SLC25A20: variants seen among roughly 807,000 people sequenced by gnomAD.
SLC25A20 encodes the protein solute carrier family 25 member 20, also known as mitochondrial carnitine/acylcarnitine carrier protein.
SLC25A20 carries 29 observed loss-of-function variants against 39.7 expected under a neutral mutation model. The ratio of observed to expected loss-of-function variants is 0.73; its 90% CI spans 0.54 to 1.00. SLC25A20 has a LOEUF of 1.00. SLC25A20 is among the 50% of genes least tolerant of loss of function. The probability of loss-of-function intolerance (pLI) is 0.00; values close to 1 mark genes in which losing one functional copy is unlikely to be tolerated. For missense variants in SLC25A20, 333 were observed against 379.9 expected, an observed-to-expected ratio of 0.88 and a Z score of 1.03; for synonymous variants, 103 against 142.2, an observed-to-expected ratio of 0.72 and a Z score of 1.96.
intron 4 of SLC25A20, among the ~76,000 whole-genome samples, chr3:48,877,479 C>T (rs900915975): frequency 6.6e-6 from 1 of 151,814 alleles, no homozygotes; most frequent in African/African-American, 2.4e-5. Context: ...TCCTGTAATC[C>T]CAGCACTTTG....
At chr3:48,870,850 A>ACT (rs1262387873) in intron 4 of SLC25A20, among the ~76,000 whole-genome samples, 4 of 130,708 alleles carry the variant, frequency 3.1e-5, no homozygotes, top group Non-Finnish European at 6.3e-5. Flanking sequence ...ACAGGGTCTT[A>ACT]CTCTATAATC....
At position 48,865,145 on chromosome 3, in the gene SLC25A20, T is replaced by TC. The variant is rs1232082597; in HGVS notation, c.418-2487_418-2486insG. 1.3e-4 allele frequency among the ~76,000 whole-genome samples: 19 copies of TC among 151,666 alleles called. No homozygotes were observed. The East Asian group carries it at 3.7e-3, about 30-fold the overall frequency. On this transcript the variant is annotated intron_variant, in intron 4 of 8. Coordinates refer to ENST00000319017, the MANE Select transcript of SLC25A20 (RefSeq NM_000387.6). ...GAGTTGGAGATATAATTTTTTTTTT[T>TC]TGAGACGGAGTCTTGCTCTGTCACC...
chr3:48,876,406 T>C (rs1013128354), intron 4 of SLC25A20, among the ~76,000 whole-genome samples: 1 of 151,834 alleles, frequency 6.6e-6, no homozygotes, highest in Non-Finnish European at 1.5e-5. Context: ...CATATAACAT[T>C]GTTTTTCTGT....
intron 3 of SLC25A20, among the ~76,000 whole-genome samples, chr3:48,880,004 T>C (rs2083786609): frequency 6.6e-6 from 1 of 152,130 alleles, no homozygotes; most frequent in African/African-American, 2.4e-5. Context: ...TGGCCACCTC[T>C]AAAGGCTAAG....
In SLC25A20 at chr3:48,898,855, G is replaced by T. The variant is rs2083930205; in HGVS notation, c.-61C>A. 6 of 1,491,028 alleles carry T rather than the reference G, an allele frequency of 4.0e-6. No individual in the cohort carries two copies. The African/African-American group carries it at 4.2e-5, about 10-fold the overall frequency. 92.4% of individuals were successfully genotyped at this position (1,491,028 alleles called of 1,614,324 possible). On this transcript the variant is annotated 5_prime_UTR_variant, in exon 1 of 9. In the 5' UTR this introduces an upstream ATG that the reference lacks. Coordinates refer to ENST00000319017, the MANE Select transcript of SLC25A20 (RefSeq NM_000387.6). ...GGGCCGTCCTGGCTTCTCAGCCCCA[G>T]CTGCAGTGCCGGCGCCGCCGACCTT...
intron 4 of SLC25A20, among the ~76,000 whole-genome samples, chr3:48,870,978 A>G (rs2083710497): frequency 6.6e-6 from 1 of 151,842 alleles, no homozygotes; most frequent in African/African-American, 2.4e-5. Flanking sequence ...GGCCTGCACC[A>G]CCATGCACGG....
chr3:48,875,172 C>T lies in SLC25A20; in HGVS notation c.417+4186G>A, dbSNP rs974263305. Among the ~76,000 whole-genome samples the T allele has an allele frequency of 7.9e-5, 12 of 151,070 alleles. 1 individual carries two copies. Among genetic ancestry groups the T allele is most frequent in the African/African-American group, 2.4e-4 (10 of 41,242 alleles). On this transcript the variant is annotated intron_variant, in intron 4 of 8. Transcript: ENST00000319017. ...AGGCTGGAGTGCAGTGGTGCAATCT[C>T]GGCTCACTGCAACCTTCACCTCCCG...
chr3:48,862,321 G>GCCAT (rs1427521017), intron 5 of SLC25A20, among the ~76,000 whole-genome samples: 1 of 152,190 alleles, frequency 6.6e-6, no homozygotes, highest in African/African-American at 2.4e-5. Flanking sequence ...CAACTGTGAT[G>GCCAT]CCATGACTTC....
intron 5 of SLC25A20, among the ~76,000 whole-genome samples, chr3:48,862,050 T>TA (rs967789763): frequency 1.3e-5 from 2 of 151,854 alleles, no homozygotes; most frequent in East Asian, 1.9e-4. Flanking sequence ...TAAAAATAAG[T>TA]AAAAAAATAA....
chr3:48,895,227 C>T (rs1174539610), intron 1 of SLC25A20, among the ~76,000 whole-genome samples: 4 of 152,208 alleles, frequency 2.6e-5, no homozygotes, highest in Admixed American at 6.5e-5. Flanking sequence ...AGGTTGGTCT[C>T]GAACGTCCAA....
intron 4 of SLC25A20, among the ~76,000 whole-genome samples, chr3:48,868,114 T>C (rs1290360849): frequency 1.3e-5 from 2 of 149,022 alleles, no homozygotes; most frequent in African/African-American, 2.5e-5. Context: ...GGTAGGTACA[T>C]GGAGGTAGCA....
intron 4 of SLC25A20, among the ~76,000 whole-genome samples, chr3:48,871,855 C>T (rs1313007100): frequency 6.6e-6 from 1 of 151,828 alleles, no homozygotes; most frequent in Non-Finnish European, 1.5e-5. Context: ...GGTCTCACTC[C>T]GTCACCCAGG....
intron 3 of SLC25A20, among the ~76,000 whole-genome samples, chr3:48,883,515 C>T (rs2083809125): frequency 1.3e-5 from 2 of 149,290 alleles, no homozygotes; most frequent in South Asian, 2.1e-4. Flanking sequence ...TGTGCCATTG[C>T]ACTCCAGCCT....
At chr3:48,860,834 C>CTTT (rs780743103) in intron 5 of SLC25A20, among the ~76,000 whole-genome samples, 3 of 134,320 alleles carry the variant, frequency 2.2e-5, no homozygotes, top group Non-Finnish European at 3.2e-5. Context: ...TATTACTTTA[C>CTTT]TTTTTTTTTT....
At chr3:48,859,027 A>C (rs1575977835) in intron 7 of SLC25A20, 65 bp downstream of exon 7, 1 of 1,299,706 alleles carries the variant, frequency 7.7e-7, no homozygotes, top group South Asian at 1.2e-5. Context: ...TGAGCTTTGC[A>C]CCCCAGGATT....
At chr3:48,883,189 A>G (rs2083806861) in intron 3 of SLC25A20, among the ~76,000 whole-genome samples, 1 of 149,238 alleles carries the variant, frequency 6.7e-6, no homozygotes, top group African/African-American at 2.5e-5. Flanking sequence ...AGCAAGACTC[A>G]GTCTCGAACA....
chr3:48,879,442 G>A lies in SLC25A20; in HGVS notation c.333C>T (p.Pro111=), dbSNP rs758938664. 1.2e-6 allele frequency: 2 copies of A among 1,613,396 alleles called. No homozygotes were observed. The highest frequency in any genetic ancestry group is 1.1e-5 in the South Asian group (1 of 91,062). Residue 111 remains proline, a synonymous_variant, in exon 4 of 9, where the codon CCC becomes CCT. Coordinates refer to ENST00000319017, the MANE Select transcript of SLC25A20 (RefSeq NM_000387.6). ...QKHPEDVLSY[P]QLFAAGMLSG... ...ATAACATCCCAGCTGCAAAAAGCTG[G>A]GGATAGCTGCATTGAAAACAAAAAG...
At chr3:48,883,282 G>A (rs2083807532) in intron 3 of SLC25A20, among the ~76,000 whole-genome samples, 1 of 151,518 alleles carries the variant, frequency 6.6e-6, no homozygotes, top group Non-Finnish European at 1.5e-5. Context: ...GCCAGGCACA[G>A]TGGCACACGC....
chr3:48,864,205 G>A (rs1284173260), intron 4 of SLC25A20, among the ~76,000 whole-genome samples: 12 of 148,714 alleles, frequency 8.1e-5, no homozygotes, highest in Non-Finnish European at 1.6e-4. Flanking sequence ...AAACTTAGCT[G>A]GGCGTGGTGG....
Sources: allele counts gnomAD v4.1 joint callset (sites outside exome capture counted in the v4.1 genomes callset), GRCh38; gene constraint gnomAD v4.1.1; transcripts MANE v1.5; gene names NCBI Gene and HGNC (gene_info 2026-07-23, HGNC 2026-07-21).